Variants in GTF2A1L observed in about 807,000 individuals in gnomAD.
GTF2A1L encodes the protein TFIIA-alpha and beta-like factor.
In GTF2A1L, 48 loss-of-function variants were observed where a neutral mutation model predicts 49.7. That is an observed-to-expected ratio of 0.97 (90% CI 0.77 to 1.23). The LOEUF (loss-of-function observed/expected upper bound fraction) is 1.23. GTF2A1L is among the 50% of genes most tolerant of loss of function. The pLI is 0.00. For synonymous variants in GTF2A1L, 246 were observed against 193.5 expected (o/e 1.27, Z -2.25); for missense variants, 736 against 564.8 (o/e 1.30, Z -3.07).
At chr2:48,658,312 C>T (rs961519457) in intron 6 of GTF2A1L, among the ~76,000 whole-genome samples, 3 of 152,174 alleles carry the variant, frequency 2.0e-5, no homozygotes, top group Non-Finnish European at 2.9e-5. Flanking sequence ...TTTCATTCTT[C>T]TGCATATGGC....
chr2:48,620,795 A>T (rs1343111073), intron 1 of GTF2A1L, 56 bp from the exon 2 acceptor site: 1 of 920,918 alleles, frequency 1.1e-6, no homozygotes, highest in Non-Finnish European at 1.4e-6. Flanking sequence ...ATAAATAAAT[A>T]AATAAATAAA....
Position 48,646,595 on chromosome 2 carries a change from A to G in GTF2A1L, c.531A>G (p.Pro177=), listed in dbSNP as rs1204872827. ...VIQTSVPQLN[P]WSLQATTEKS... ...AAACTAGTGTTCCACAATTGAATCC[A>G]TGGTCTCTTCAAGCAACTACTGAAA... The change falls in exon 6 of 9, where the codon CCA becomes CCG. Residue 177 remains proline, a synonymous_variant. Transcript: ENST00000403751. The G allele has an allele frequency of 5.0e-6, 8 of 1,614,030 alleles. No homozygotes were observed. In the East Asian group the frequency reaches 6.7e-5, roughly 13 times the overall value.
intron 7 of GTF2A1L, among the ~76,000 whole-genome samples, chr2:48,670,425 C>A (rs1679105648): frequency 2.6e-5 from 4 of 151,796 alleles, no homozygotes; most frequent in Admixed American, 2.6e-4. Flanking sequence ...AACTTTTAAT[C>A]TTCAACTGTA....
At chr2:48,666,585 GT>G (rs1202207530) in intron 6 of GTF2A1L, among the ~76,000 whole-genome samples, 5 of 17,140 alleles carry the variant, frequency 2.9e-4, no homozygotes, top group African/African-American at 6.5e-4. Flanking sequence ...ACTTGTCAGG[GT>G]GTGTGTGTGT....
At chr2:48,652,568 TC>T (rs1433582019) in intron 6 of GTF2A1L, among the ~76,000 whole-genome samples, 2 of 151,120 alleles carry the variant, frequency 1.3e-5, no homozygotes, top group African/African-American at 4.9e-5. Context: ...TGAGCCAAGA[TC>T]GTCCCACTGC....
chr2:48,675,476 T>G (rs1376402223), intron 8 of GTF2A1L, among the ~76,000 whole-genome samples: 1 of 152,046 alleles, frequency 6.6e-6, no homozygotes, highest in Non-Finnish European at 1.5e-5. Flanking sequence ...AATATAAACA[T>G]GTACAGTGCA....
chr2:48,633,384 T>G (rs1202941839), intron 3 of GTF2A1L: 1 of 153,350 alleles, frequency 6.5e-6, no homozygotes, highest in African/African-American at 2.4e-5. Context: ...GATGCGGTGG[T>G]GCTGGCTTAG....
At chr2:48,677,394 C>T (rs1410520480) in intron 8 of GTF2A1L, among the ~76,000 whole-genome samples, 1 of 151,834 alleles carries the variant, frequency 6.6e-6, no homozygotes, top group Non-Finnish European at 1.5e-5. Flanking sequence ...AGGGAATGAA[C>T]TGTGAGGATA....
chr2:48,649,426 C>T (rs183249473), intron 6 of GTF2A1L, among the ~76,000 whole-genome samples: 36 of 152,160 alleles, frequency 2.4e-4, no homozygotes, highest in African/African-American at 8.4e-4. Flanking sequence ...GTCTCTTCTA[C>T]CTCTTACTCT....
chr2:48,663,001 A>G (rs1379645267), intron 6 of GTF2A1L, among the ~76,000 whole-genome samples: 2 of 152,128 alleles, frequency 1.3e-5, no homozygotes, highest in Non-Finnish European at 2.9e-5. Flanking sequence ...TCTGTAAACT[A>G]AACCCCCGTG....
intron 3 of GTF2A1L, among the ~76,000 whole-genome samples, chr2:48,636,177 G>A (rs560766349): frequency 1.6e-4 from 25 of 152,260 alleles, no homozygotes; most frequent in African/African-American, 6.0e-4. Flanking sequence ...AAATGGTGGA[G>A]GCCTGCTAAC....
chr2:48,653,400 T>C (rs150296419), intron 6 of GTF2A1L, among the ~76,000 whole-genome samples: 116 of 152,290 alleles, frequency 7.6e-4, no homozygotes, highest in Non-Finnish European at 1.5e-3. Flanking sequence ...TTTCCTCATG[T>C]GCCTTTGTAG....
intron 6 of GTF2A1L, among the ~76,000 whole-genome samples, chr2:48,657,696 C>A (rs1678258743): frequency 6.6e-6 from 1 of 152,048 alleles, no homozygotes; most frequent in African/African-American, 2.4e-5. Context: ...AGTGGCTGAA[C>A]TAATTTACAT....
intron 3 of GTF2A1L, among the ~76,000 whole-genome samples, chr2:48,639,742 C>G (rs1558722741): frequency 6.6e-6 from 1 of 152,104 alleles, no homozygotes; most frequent in Non-Finnish European, 1.5e-5. Flanking sequence ...GTGAAAGAAA[C>G]TATCAACAGA....
At chr2:48,674,133 A>T (rs1399275162) in intron 8 of GTF2A1L, among the ~76,000 whole-genome samples, 1 of 152,172 alleles carries the variant, frequency 6.6e-6, no homozygotes, top group Non-Finnish European at 1.5e-5. Flanking sequence ...TATACTCAGG[A>T]GTTGAATTCC....
At chr2:48,668,567 T>TA (rs1304539062) in intron 6 of GTF2A1L, 4 of 152,196 alleles carry the variant, frequency 2.6e-5, no homozygotes, top group Non-Finnish European at 5.9e-5. Context: ...CGCAGTGACT[T>TA]ACGCCTGTAA....
intron 1 of GTF2A1L, among the ~76,000 whole-genome samples, chr2:48,619,250 C>G (rs1675838239): frequency 6.6e-6 from 1 of 152,112 alleles, no homozygotes; most frequent in Non-Finnish European, 1.5e-5. Context: ...GGGCAGATCA[C>G]TTGAGCTTAG....
intron 3 of GTF2A1L, among the ~76,000 whole-genome samples, chr2:48,638,852 G>A (rs1273103317): frequency 6.6e-6 from 1 of 152,070 alleles, no homozygotes. Context: ...AGCTCCTTCA[G>A]GTGATAAACA....
intron 6 of GTF2A1L, among the ~76,000 whole-genome samples, chr2:48,669,328 T>C (rs1002054509): frequency 2.0e-5 from 3 of 152,206 alleles, no homozygotes; most frequent in Non-Finnish European, 4.4e-5. Context: ...ATCCTTTACA[T>C]TTTTATTTAT....
Sources: allele counts gnomAD v4.1 joint callset (sites outside exome capture counted in the v4.1 genomes callset), GRCh38; gene constraint gnomAD v4.1.1; transcripts MANE v1.5; gene names NCBI Gene and HGNC (gene_info 2026-07-23, HGNC 2026-07-21).